Variants in COL6A1 observed in about 807,000 individuals in gnomAD.
The protein encoded by COL6A1 is collagen alpha-1(VI) chain.
A neutral mutation model predicts 145.6 loss-of-function variants in COL6A1; 80 were observed. That is an observed-to-expected ratio of 0.55 (90% CI 0.46 to 0.66). COL6A1 has a LOEUF of 0.66. Among genes scored for constraint, COL6A1 ranks in the 30% least tolerant of loss-of-function variants. The pLI, the probability that COL6A1 is intolerant of heterozygous loss-of-function variation, is 0.00. For missense variants in COL6A1, 1,364 were observed against 1,473.8 expected (o/e 0.93, Z 1.22); for synonymous variants, 638 against 622.8 (o/e 1.02, Z -0.36).
Position 45,994,281 on chromosome 21 carries a change from T to C in COL6A1, c.1398+52T>C. ...CGTTGGCCAATTTGGGTTTTGGGGGTAGAAGTGCTCCAGCAGCTCACGCAC... is the reference window on the plus strand; with the variant it reads ...CGTTGGCCAATTTGGGTTTTGGGGGCAGAAGTGCTCCAGCAGCTCACGCAC... On this transcript the variant is annotated intron_variant, in intron 20 of 34. Coordinates refer to ENST00000361866, the MANE Select transcript of COL6A1 (RefSeq NM_001848.3). The surrounding 1 kb of genome is among the most constrained non-coding windows in gnomAD (Gnocchi z 6.8). 1 of 1,523,384 alleles carries C rather than the reference T, an allele frequency of 6.6e-7. No individual in the cohort carries two copies. Among genetic ancestry groups the C allele is most frequent in the Non-Finnish European group, 9.0e-7 (1 of 1,113,492 alleles). 94.4% of individuals were successfully genotyped at this position (1,523,384 alleles called of 1,614,324 possible).
In COL6A1 at chr21:46,002,392, C is replaced by T. The variant is rs753778247; in HGVS notation, c.2241C>T (p.Pro747=). Residue 747 remains proline, a synonymous_variant, in exon 32 of 35, where the codon CCC becomes CCT. Transcript: ENST00000361866. ...DTTPLNVLCS[P]GIQVVSVGIK... is the part of the protein sequence containing the mutation. ...CACCGCTCAACGTGCTCTGCAGCCCCGGCATCCAGGTGGGGTGGCCACCCC... is the reference window on the plus strand; with the variant it reads ...CACCGCTCAACGTGCTCTGCAGCCCTGGCATCCAGGTGGGGTGGCCACCCC... The T allele has an allele frequency of 1.9e-5, 30 of 1,601,130 alleles. 1 individual carries two copies. The South Asian group carries it at 2.0e-4, about 11-fold the overall frequency.
rs562105989 is a variant in COL6A1 at position 45,998,862 on chromosome 21, A to C, written c.1612-35A>C. 113 of 1,549,522 alleles carry C rather than the reference A, an allele frequency of 7.3e-5. 1 individual carries two copies. The East Asian group carries it at 2.7e-3, about 36-fold the overall frequency. On this transcript the variant is annotated intron_variant, in intron 24 of 34. Coordinates refer to ENST00000361866, the MANE Select transcript of COL6A1 (RefSeq NM_001848.3). Reference sequence around the variant, plus strand: ...TTCCACTTCCTAAAAACAAAATAAAACCCTTGTTAACCAAGTGCTCTCCCG... The same window carrying C: ...TTCCACTTCCTAAAAACAAAATAAACCCCTTGTTAACCAAGTGCTCTCCCG...
chr21:45,996,582 G>C (rs12482416), intron 20 of COL6A1, among the ~76,000 whole-genome samples: 1 of 152,060 alleles, frequency 6.6e-6, no homozygotes, highest in South Asian at 2.1e-4. Context: ...AGGCGTCTGA[G>C]CAGGCACAGG....
Position 46,004,114 on chromosome 21 carries a change from C to G in COL6A1, c.*101C>G, listed in dbSNP as rs1011837210. ...GCGAATTTTCCCGACCAACCTGATT[C>G]GCTAGATTTTTTTTAAGGAAAAGCT... On this transcript the variant is annotated 3_prime_UTR_variant, in exon 35 of 35. Transcript: ENST00000361866. 4.7e-6 allele frequency: 7 copies of G among 1,494,856 alleles called. No individual in the cohort carries two copies. The highest frequency in any genetic ancestry group is 5.5e-6 in the Non-Finnish European group (6 of 1,089,606). The allele number at this position is 1,494,856 out of a possible 1,614,324, so 92.6% of individuals were successfully genotyped here. A position where few individuals can be genotyped will look rare whatever the true frequency, so the allele number is the denominator to read the frequency against.
intron 15 of COL6A1, among the ~76,000 whole-genome samples, chr21:45,991,746 T>C (rs1057485203): frequency 1.8e-4 from 27 of 152,332 alleles, no homozygotes; most frequent in African/African-American, 6.3e-4. Flanking sequence ...GGCAAAGCTG[T>C]GCCTTCTCTA....
chr21:45,985,385 CAG>C (rs1253634245), intron 3 of COL6A1, among the ~76,000 whole-genome samples: 11 of 109,588 alleles, frequency 1.0e-4, no homozygotes, highest in African/African-American at 6.2e-4. Flanking sequence ...CAGACAGAGA[CAG>C]ACAGAGAGAC....
intron 23 of COL6A1, 46 bp from the exon 24 acceptor site, chr21:45,998,352 C>A (rs750111461): frequency 1.2e-6 from 2 of 1,612,282 alleles, no homozygotes; most frequent in South Asian, 2.2e-5. Context: ...ACAGCCTCCC[C>A]TCTCAAATCA....
chr21:45,999,785 C>A, intron 27 of COL6A1, 93 bp downstream of exon 27: 1 of 996,018 alleles, frequency 1.0e-6, no homozygotes, highest in Non-Finnish European at 1.4e-6. Context: ...CCTGTAGACG[C>A]TGCTCACGGG....
In COL6A1 at chr21:45,991,997, C is replaced by T. The variant is rs200633698; in HGVS notation, c.1120-13C>T. ...CCCCTGCCAGCGTGTGTGACTCCCC[C>T]GGTCTTCCCCAGGGCGAGCCTGGAG... On this transcript the variant is annotated splice_polypyrimidine_tract_variant and intron_variant, in intron 15 of 34. Coordinates refer to ENST00000361866, the MANE Select transcript of COL6A1 (RefSeq NM_001848.3). 1.7e-5 allele frequency: 26 copies of T among 1,572,200 alleles called. No homozygotes were observed. The highest frequency in any genetic ancestry group is 1.2e-4 in the East Asian group (5 of 42,522).
At position 45,992,214 on chromosome 21, in the gene COL6A1, CGAG is replaced by C; in HGVS notation, c.1235_1236+1del. The C allele has an allele frequency of 1.2e-6, 2 of 1,613,518 alleles. No homozygotes were observed. The highest frequency in any genetic ancestry group is 1.7e-6 in the Non-Finnish European group (2 of 1,179,970). ...CCGGAGAGAAAGGAGAGGCGGGCGA[CGAG>C]GTGAGTGAGGGCTCCTGACACCTTC... On this transcript the variant is annotated inframe_deletion and splice_region_variant, in exon 17 of 35. Coordinates refer to ENST00000361866, the MANE Select transcript of COL6A1 (RefSeq NM_001848.3).
In COL6A1 at chr21:45,990,995, CT is replaced by C. The variant is rs763544337; in HGVS notation, c.1074del (p.Gly359AlafsTer11). ...TTTCTCCAGGGCATTCAAGGACCCC[CT>C]GGCCCCAAGGGAGACCCCGGTGCCT... ...SPGFDGIQGP[P>X]GPKGDPGAFG... On this transcript the variant is annotated frameshift_variant, in exon 15 of 35. Coordinates refer to ENST00000361866, the MANE Select transcript of COL6A1 (RefSeq NM_001848.3). LOFTEE classifies it high-confidence loss of function. 5 of 1,613,444 alleles carry C rather than the reference CT, an allele frequency of 3.1e-6. No individual in the cohort carries two copies. The highest frequency in any genetic ancestry group is 2.2e-5 in the East Asian group (1 of 44,870).
At chr21:45,998,506 A>T in intron 24 of COL6A1, 73 bp downstream of exon 24, 1 of 1,585,962 alleles carries the variant, frequency 6.3e-7, no homozygotes, top group Non-Finnish European at 8.6e-7. Context: ...GCACGTGTGA[A>T]CACACATGTG....
At chr21:45,991,222 G>A (rs1167458100) in intron 15 of COL6A1, among the ~76,000 whole-genome samples, 181 bp downstream of exon 15, 1 of 152,240 alleles carries the variant, frequency 6.6e-6, no homozygotes, top group Non-Finnish European at 1.5e-5. Context: ...TGCCCACCGT[G>A]GGGACAGTGG....
chr21:45,999,893 TAGAG>T (rs1603593606), intron 27 of COL6A1, among the ~76,000 whole-genome samples: 1 of 43,394 alleles, frequency 2.3e-5, no homozygotes, highest in Non-Finnish European at 4.7e-5. Flanking sequence ...GTGAGGACCA[TAGAG>T]GGGACATGTG....
At position 45,994,105 on chromosome 21, in the gene COL6A1, C is replaced by T. The variant is rs1259977034; in HGVS notation, c.1336-62C>T. On this transcript the variant is annotated intron_variant, in intron 19 of 34. Coordinates refer to ENST00000361866, the MANE Select transcript of COL6A1 (RefSeq NM_001848.3). The surrounding 1 kb of genome is among the most constrained non-coding windows in gnomAD (Gnocchi z 6.8). ...ACAGCATGCTGTGGCTCCCAGCGTG[C>T]CCGGGCAGCCATCCTCCCCAAGGAT... 4 of 1,523,722 alleles carry T rather than the reference C, an allele frequency of 2.6e-6. No homozygotes were observed. The highest frequency in any genetic ancestry group is 3.6e-6 in the Non-Finnish European group (4 of 1,119,420). 94.4% of individuals were successfully genotyped at this position (1,523,722 alleles called of 1,614,324 possible).
intron 27 of COL6A1, 106 bp from the exon 28 acceptor site, chr21:46,000,225 C>T (rs374136854): frequency 9.7e-6 from 13 of 1,340,678 alleles, no homozygotes; most frequent in East Asian, 6.9e-5. Context: ...GCCCAAACCC[C>T]GCCCTGTGGG....
Position 45,997,455 on chromosome 21 carries a change from G to A in COL6A1, c.1433G>A (p.Arg478Gln), listed in dbSNP as rs776914710. ...EAGPIGPKGY[R>Q]GDEGPPGSEG... The stretch of plus-strand genomic sequence containing the variant: ...GGCCCTATCGGACCTAAAGGCTACC[G>A]AGGCGATGAGGGTCCCCCAGGGTCC... The change falls in exon 21 of 35, where the codon CGA becomes CAA. Residue 478 changes from arginine to glutamine, a missense_variant. This residue lies in a region of COL6A1 where 938 missense variants were observed against 1,003.8 expected (regional missense o/e 0.93). Coordinates refer to ENST00000361866, the MANE Select transcript of COL6A1 (RefSeq NM_001848.3). 8.7e-6 allele frequency: 14 copies of A among 1,612,702 alleles called. No individual in the cohort carries two copies. The East Asian group carries it at 1.3e-4, about 15-fold the overall frequency.
In COL6A1 at chr21:46,002,711, G is replaced by T. The variant is rs1270963419; in HGVS notation, c.2434+1G>T. 6.2e-7 allele frequency: 1 copy of T among 1,611,618 alleles called. No homozygotes were observed. ...AATGTCACCGCCCAGATCTGCATAG[G>T]TGCGCATGGGGCCACCCGGGCAGTC... On this transcript the variant is annotated splice_donor_variant, in intron 33 of 34. Transcript: ENST00000361866. LOFTEE classifies it high-confidence loss of function.
intron 30 of COL6A1, 34 bp from the exon 31 acceptor site, chr21:46,001,927 C>A: frequency 6.3e-7 from 1 of 1,578,154 alleles, no homozygotes; most frequent in Non-Finnish European, 8.7e-7. Context: ...CCTGGGGCAG[C>A]ACTCGCGTCC....
Sources: allele counts gnomAD v4.1 joint callset (sites outside exome capture counted in the v4.1 genomes callset), GRCh38; gene constraint gnomAD v4.1.1; regional missense constraint gnomAD v4.1.1; non-coding constraint Gnocchi (gnomAD v3.1); transcripts MANE v1.5; gene names NCBI Gene and HGNC (gene_info 2026-07-23, HGNC 2026-07-21).